Variants in ATP1A1 observed in about 807,000 individuals in gnomAD.
ATP1A1 encodes ATPase Na+/K+ transporting subunit alpha 1.
In ATP1A1, 14 loss-of-function variants were observed where a neutral mutation model predicts 114.8. The ratio of observed to expected loss-of-function variants is 0.12; its 90% CI spans 0.08 to 0.19. ATP1A1 has a LOEUF of 0.19. Ranked by LOEUF, ATP1A1 falls within the 10% of genes least tolerant of loss-of-function variation. The pLI is 1.00. For missense variants in ATP1A1, 524 were observed against 1,290.7 expected, an observed-to-expected ratio of 0.41 and a Z score of 9.10; for synonymous variants, 471 against 466.3, an observed-to-expected ratio of 1.01 and a Z score of -0.13.
In ATP1A1 at chr1:116,387,757, C is replaced by T. The variant is rs561234469; in HGVS notation, c.387+266C>T. Among the ~76,000 whole-genome samples the T allele has an allele frequency of 6.6e-6, 1 of 152,254 alleles. No individual in the cohort carries two copies. Among genetic ancestry groups the T allele is most frequent in the African/African-American group, 2.4e-5 (1 of 41,458 alleles). On this transcript the variant is annotated intron_variant, in intron 4 of 22. Transcript: ENST00000295598. The surrounding 1 kb of genome is among the most constrained non-coding windows in gnomAD (Gnocchi z 6.7). Reference sequence around the variant, plus strand: ...TGAGCAGGCAGCTCTGCTCAGGCCCCGGCCGCCACCCACTGGATGGCAGAG... The same window carrying T: ...TGAGCAGGCAGCTCTGCTCAGGCCCTGGCCGCCACCCACTGGATGGCAGAG...
chr1:116,389,215 T>C lies in ATP1A1; in HGVS notation c.754+196T>C, dbSNP rs1336001890. Among the ~76,000 whole-genome samples the C allele has an allele frequency of 6.6e-6, 1 of 152,148 alleles. No individual in the cohort carries two copies. The highest frequency in any genetic ancestry group is 2.4e-5 in the African/African-American group (1 of 41,434). Reference sequence around the variant, plus strand: ...CTTCCCTCCACCTCCACCCTGCCTCTTCTGTCAACAACACCAGTCTGGCAT... The same window carrying C: ...CTTCCCTCCACCTCCACCCTGCCTCCTCTGTCAACAACACCAGTCTGGCAT... On this transcript the variant is annotated intron_variant, in intron 7 of 22. Transcript: ENST00000295598. The surrounding 1 kb of genome is among the most constrained non-coding windows in gnomAD (Gnocchi z 6.9).
At chr1:116,374,825 C>T (rs920612698) in intron 1 of ATP1A1, among the ~76,000 whole-genome samples, 3 of 152,024 alleles carry the variant, frequency 2.0e-5, no homozygotes, top group Admixed American at 1.3e-4. Context: ...GACAGAGTGT[C>T]GGGAGCAGAG....
rs1652986775 is a variant in ATP1A1, at chr1:116,397,018, T to G, written c.1973+284T>G. ...GGATTCAAGAGGCTTTTGAAGTACCTCAGAACTGGTGAAATCATGCAGTAA... is the reference window on the plus strand; with the variant it reads ...GGATTCAAGAGGCTTTTGAAGTACCGCAGAACTGGTGAAATCATGCAGTAA... On this transcript the variant is annotated intron_variant, in intron 14 of 22. Coordinates refer to ENST00000295598, the MANE Select transcript of ATP1A1 (RefSeq NM_000701.8). The surrounding 1 kb of genome is among the most constrained non-coding windows in gnomAD (Gnocchi z 4.2). Among the ~76,000 whole-genome samples the G allele has an allele frequency of 1.3e-5, 2 of 152,208 alleles. No individual in the cohort carries two copies. The highest frequency in any genetic ancestry group is 4.8e-5 in the African/African-American group (2 of 41,456).
rs1557794718 is a variant in ATP1A1, at chr1:116,401,349, C to T, written c.2849+89C>T. The T allele has an allele frequency of 3.8e-6, 6 of 1,583,378 alleles. No individual in the cohort carries two copies. In the African/African-American group the frequency reaches 5.4e-5, roughly 14 times the overall value. On this transcript the variant is annotated intron_variant, in intron 20 of 22. Transcript: ENST00000295598. This position sits in a 1 kb window ranked among gnomAD's most constrained non-coding sequence, Gnocchi z 4.7. ...TTTGCCAAAAACTAAACATATGACACATATAGCCAGGTTTCTGGAATCTCT... is the reference window on the plus strand; with the variant it reads ...TTTGCCAAAAACTAAACATATGACATATATAGCCAGGTTTCTGGAATCTCT...
rs1261792586 is a variant in ATP1A1, at chr1:116,396,297, TG to T, written c.1837-300del. Among the ~76,000 whole-genome samples the T allele has an allele frequency of 7.4e-3, 1,103 of 148,728 alleles. 13 individuals carry two copies. The highest frequency in any genetic ancestry group is 0.026 in the African/African-American group (1,044 of 39,834). ...TATCCTTTTTTTTTTTTTTTTTTTT[TG>T]CTGGTTTTAGTAATTTTCAAGTATT... is the stretch of plus-strand genomic sequence containing the variant. On this transcript the variant is annotated intron_variant, in intron 13 of 22. Transcript: ENST00000295598.
Position 116,395,537 on chromosome 1 carries a change from A to G in ATP1A1, c.1836+252A>G, listed in dbSNP as rs1652833575. Among the ~76,000 whole-genome samples the G allele has an allele frequency of 6.6e-6, 1 of 152,270 alleles. No homozygotes were observed. The highest frequency in any genetic ancestry group is 2.1e-4 in the South Asian group (1 of 4,834). On this transcript the variant is annotated intron_variant, in intron 13 of 22. Transcript: ENST00000295598. The surrounding 1 kb of genome is among the most constrained non-coding windows in gnomAD (Gnocchi z 6.4). Reference sequence around the variant, plus strand: ...AAAGAAATGTAAGCAAAGTAAAAACAGCAAAAGACTTGAAGTTTTAAAATA... The same window carrying G: ...AAAGAAATGTAAGCAAAGTAAAAACGGCAAAAGACTTGAAGTTTTAAAATA...
intron 1 of ATP1A1, among the ~76,000 whole-genome samples, chr1:116,378,117 C>G (rs1258198236): frequency 6.6e-6 from 1 of 152,206 alleles, no homozygotes; most frequent in South Asian, 2.1e-4. Flanking sequence ...CAGGAATCCA[C>G]AAGAAGTTCT....
Position 116,388,030 on chromosome 1 carries a change from T to G in ATP1A1, c.388-101T>G. Reference sequence around the variant, plus strand: ...AGTTCTATATTTCTGAAATCTTGGTTTCTCTATTAAAAATCTGTTTTTTAT... The same window carrying G: ...AGTTCTATATTTCTGAAATCTTGGTGTCTCTATTAAAAATCTGTTTTTTAT... On this transcript the variant is annotated intron_variant, in intron 4 of 22. Transcript: ENST00000295598. The surrounding 1 kb of genome is among the most constrained non-coding windows in gnomAD (Gnocchi z 5.6). 1 of 745,642 alleles carries G rather than the reference T, an allele frequency of 1.3e-6. No individual in the cohort carries two copies. The highest frequency in any genetic ancestry group is 3.2e-4 in the Middle Eastern group (1 of 3,150). The allele number at this position is 745,642 out of a possible 1,614,324, so 46.2% of individuals were successfully genotyped here. A position where few individuals can be genotyped will look rare whatever the true frequency, so the allele number is the denominator to read the frequency against.
At chr1:116,396,187 G>A (rs1053930947) in intron 13 of ATP1A1, among the ~76,000 whole-genome samples, 40 of 150,952 alleles carry the variant, frequency 2.6e-4, no homozygotes, top group African/African-American at 8.3e-4. Flanking sequence ...CTTGTCACAT[G>A]TTGCTTTTCC....
intron 12 of ATP1A1, among the ~76,000 whole-genome samples, chr1:116,394,880 C>T (rs1293839833): frequency 6.6e-6 from 1 of 152,156 alleles, no homozygotes. Context: ...TTTCCAATTC[C>T]TTTGAGGCCT....
chr1:116,384,729 CAT>C lies in ATP1A1; in HGVS notation c.124-53_124-52del, dbSNP rs1491529805. The C allele has an allele frequency of 3.4e-6, 5 of 1,463,186 alleles. No homozygotes were observed. Among genetic ancestry groups the C allele is most frequent in the Non-Finnish European group, 4.7e-6 (5 of 1,070,576 alleles). 90.6% of individuals were successfully genotyped at this position (1,463,186 alleles called of 1,614,324 possible). ...TAATGAATAATGCTATTTTTTCTGT[CAT>C]TTTTTTATACTACACTGTTTAACTA... On this transcript the variant is annotated intron_variant, in intron 2 of 22. Coordinates refer to ENST00000295598, the MANE Select transcript of ATP1A1 (RefSeq NM_000701.8). This position sits in a 1 kb window ranked among gnomAD's most constrained non-coding sequence, Gnocchi z 5.1.
Position 116,389,767 on chromosome 1 carries a change from C to T in ATP1A1, c.1023+60C>T. 1 of 1,599,430 alleles carries T rather than the reference C, an allele frequency of 6.3e-7. No individual in the cohort carries two copies. Among genetic ancestry groups the T allele is most frequent in the Non-Finnish European group, 8.5e-7 (1 of 1,170,372 alleles). The stretch of plus-strand genomic sequence containing the variant: ...CAGCTTGCACGAATGTTACACTCTT[C>T]CGCTATCCTATTCTAAGGTATTGCC... On this transcript the variant is annotated intron_variant, in intron 8 of 22. Coordinates refer to ENST00000295598, the MANE Select transcript of ATP1A1 (RefSeq NM_000701.8). The surrounding 1 kb of genome is among the most constrained non-coding windows in gnomAD (Gnocchi z 6.9).
intron 1 of ATP1A1, among the ~76,000 whole-genome samples, chr1:116,374,816 A>G (rs1487053004): frequency 6.6e-6 from 1 of 152,194 alleles, no homozygotes; most frequent in Non-Finnish European, 1.5e-5. Flanking sequence ...CTGGGTGTAG[A>G]CAGAGTGTCG....
Position 116,393,457 on chromosome 1 carries a change from T to C in ATP1A1, c.1468-74T>C. 6.8e-7 allele frequency: 1 copy of C among 1,470,482 alleles called. No homozygotes were observed. Among genetic ancestry groups the C allele is most frequent in the Non-Finnish European group, 9.2e-7 (1 of 1,086,630 alleles). 91.1% of individuals were successfully genotyped at this position (1,470,482 alleles called of 1,614,324 possible). On this transcript the variant is annotated intron_variant, in intron 11 of 22. Transcript: ENST00000295598. The surrounding 1 kb of genome is among the most constrained non-coding windows in gnomAD (Gnocchi z 5.0). Reference sequence around the variant, plus strand: ...TTTATAGCAAATACTAAATAGTAAGTGAAGCTTTGTTTTCCACCATGGACT... The same window carrying C: ...TTTATAGCAAATACTAAATAGTAAGCGAAGCTTTGTTTTCCACCATGGACT...
At chr1:116,377,465 T>C (rs1265263650) in intron 1 of ATP1A1, among the ~76,000 whole-genome samples, 1 of 152,246 alleles carries the variant, frequency 6.6e-6, no homozygotes, top group Non-Finnish European at 1.5e-5. Context: ...TACTGTTAAT[T>C]GCCCTTCATA....
rs1163908166 is a variant in ATP1A1 at position 116,389,153 on chromosome 1, G to GT, written c.754+138dup. The GT allele has an allele frequency of 7.1e-6, 7 of 980,382 alleles. No homozygotes were observed. The highest frequency in any genetic ancestry group is 1.6e-5 in the African/African-American group (1 of 60,682). The allele number at this position is 980,382 out of a possible 1,614,324, so 60.7% of individuals were successfully genotyped here. On this transcript the variant is annotated intron_variant, in intron 7 of 22. Transcript: ENST00000295598. The surrounding 1 kb of genome is among the most constrained non-coding windows in gnomAD (Gnocchi z 6.9). ...CTTGTGTCAAGCACAGAGCAGAGGT[G>GT]TTTTCCTAGCTGGCAGGAAACCTTG...
chr1:116,396,747 G>C lies in ATP1A1; in HGVS notation c.1973+13G>C. 2 of 1,558,982 alleles carry C rather than the reference G, an allele frequency of 1.3e-6. No homozygotes were observed. The highest frequency in any genetic ancestry group is 1.7e-6 in the Non-Finnish European group (2 of 1,149,720). ...AGGTGAACCCCAGGTAAGGCAGGAAGCTCAAATCACAGTCTGCTGTGAACA... is the reference window on the plus strand; with the variant it reads ...AGGTGAACCCCAGGTAAGGCAGGAACCTCAAATCACAGTCTGCTGTGAACA... On this transcript the variant is annotated intron_variant, in intron 14 of 22. Coordinates refer to ENST00000295598, the MANE Select transcript of ATP1A1 (RefSeq NM_000701.8).
chr1:116,379,153 GT>G (rs1264526927), intron 1 of ATP1A1, among the ~76,000 whole-genome samples: 1 of 152,184 alleles, frequency 6.6e-6, no homozygotes, highest in Non-Finnish European at 1.5e-5. Flanking sequence ...GGGGAGGAAG[GT>G]TAAGTCATGT....
rs568137425 is a variant in ATP1A1, at chr1:116,373,909, C to T, written c.12+386C>T. 1.5e-3 allele frequency: 1,902 copies of T among 1,306,580 alleles called. 3 individuals are homozygous for T. The highest frequency in any genetic ancestry group is 1.8e-3 in the Admixed American group (48 of 26,642). 80.9% of individuals were successfully genotyped at this position (1,306,580 alleles called of 1,614,324 possible). A position where few individuals can be genotyped will look rare whatever the true frequency, so the allele number is the denominator to read the frequency against. On this transcript the variant is annotated intron_variant, in intron 1 of 22. Transcript: ENST00000295598. ...CGGGACTGAGCCGGCATCCCTGAGC[C>T]TGGCTCCCCTCCCTGCGACCGCCGT...
Sources: gnomAD v4.1 joint callset for allele counts (sites outside exome capture counted in the v4.1 genomes callset) on GRCh38, gnomAD v4.1.1 for gene constraint, Gnocchi (gnomAD v3.1) non-coding constraint, MANE v1.5 for transcripts, NCBI Gene and HGNC (gene_info 2026-07-23, HGNC 2026-07-21) for gene names.